Variants in KIF5C observed in about 807,000 individuals in gnomAD.
KIF5C encodes the protein kinesin heavy chain isoform 5C.
KIF5C carries 18 observed loss-of-function variants against 125.2 expected under a neutral mutation model. That is an observed-to-expected ratio of 0.14 (90% confidence interval 0.10 to 0.21). The LOEUF (loss-of-function observed/expected upper bound fraction) is 0.21, where lower values mean the gene tolerates loss of function less well. Ranked by LOEUF, KIF5C falls within the 10% of genes least tolerant of loss-of-function variation. The pLI, the probability that KIF5C is intolerant of heterozygous loss-of-function variation, is 1.00. For synonymous variants in KIF5C, 405 were observed against 434.0 expected (o/e 0.93, Z 0.83); for missense variants, 780 against 1,183.8 (o/e 0.66, Z 5.01).
intron 12 of KIF5C, among the ~76,000 whole-genome samples, chr2:148,976,281 A>ATTTATTTT (rs1425536086): frequency 1.4e-5 from 2 of 142,328 alleles, no homozygotes; most frequent in Non-Finnish European, 3.1e-5. Flanking sequence ...TTATTTATTT[A>ATTTATTTT]TTTTTTGAGA....
chr2:148,920,876 A>T (rs1306952122), intron 1 of KIF5C, among the ~76,000 whole-genome samples: 1 of 152,184 alleles, frequency 6.6e-6, no homozygotes, highest in Non-Finnish European at 1.5e-5. Context: ...GGAGGGGCAC[A>T]GTGGGAGAAA....
chr2:148,929,816 ATT>A (rs372504821), intron 3 of KIF5C, among the ~76,000 whole-genome samples: 1 of 147,992 alleles, frequency 6.8e-6, no homozygotes, highest in Admixed American at 6.7e-5. Flanking sequence ...ACTGCACGGT[ATT>A]TTTTTTTTTA....
At chr2:148,889,905 GA>G (rs1681656642) in intron 1 of KIF5C, among the ~76,000 whole-genome samples, 1 of 152,190 alleles carries the variant, frequency 6.6e-6, no homozygotes, top group South Asian at 2.1e-4. Context: ...AATTACGGTG[GA>G]AAAAGAGAGG....
rs1239611510 is a variant in KIF5C, at chr2:149,000,498, G to C, written c.2286G>C (p.Glu762Asp). 6.4e-7 allele frequency: 1 copy of C among 1,571,048 alleles called. No homozygotes were observed. The stretch of plus-strand genomic sequence containing the variant: ...ACAAGCTGAAAATAGAGGACCAAGA[G>C]AGAGAAATGAAGCTGGAAAAGCTCT... ...DYNKLKIEDQEREMKLEKLLL... is the reference protein window; with the variant it reads ...DYNKLKIEDQDREMKLEKLLL... Residue 762 changes from glutamate to aspartate, a missense_variant, in exon 20 of 26, where the codon GAG becomes GAC. This residue lies in a region of KIF5C where 573 missense variants were observed against 742.6 expected (regional missense o/e 0.77). Coordinates refer to ENST00000435030, the MANE Select transcript of KIF5C (RefSeq NM_004522.3).
chr2:148,955,859 G>A, intron 10 of KIF5C, among the ~76,000 whole-genome samples: 1 of 152,154 alleles, frequency 6.6e-6, no homozygotes, highest in East Asian at 1.9e-4. Context: ...GTTGTCTAGA[G>A]CTCCTTATTC....
At chr2:148,889,408 G>A (rs1681644176) in intron 1 of KIF5C, among the ~76,000 whole-genome samples, 1 of 152,168 alleles carries the variant, frequency 6.6e-6, no homozygotes, top group African/African-American at 2.4e-5. Context: ...CCAGGCTGGT[G>A]GGAGGGGAGT....
chr2:148,986,083 GAT>G (rs1681374484), intron 15 of KIF5C, among the ~76,000 whole-genome samples: 1 of 152,182 alleles, frequency 6.6e-6, no homozygotes, highest in African/African-American at 2.4e-5. Context: ...AGGTGGAGTT[GAT>G]ATATGGGAAG....
intron 11 of KIF5C, among the ~76,000 whole-genome samples, chr2:148,969,135 T>TA (rs928035063): frequency 1.4e-4 from 21 of 151,662 alleles, no homozygotes; most frequent in East Asian, 1.9e-4. Flanking sequence ...TTTCTTTCTT[T>TA]AAAAAAAAAC....
rs778865273 is a variant in KIF5C, at chr2:149,000,703, G to C, written c.2313-19G>C. 1.2e-6 allele frequency: 2 copies of C among 1,613,558 alleles called. No homozygotes were observed. Among genetic ancestry groups the C allele is most frequent in the Non-Finnish European group, 1.7e-6 (2 of 1,179,792 alleles). On this transcript the variant is annotated intron_variant, in intron 20 of 25. Coordinates refer to ENST00000435030, the MANE Select transcript of KIF5C (RefSeq NM_004522.3). ...TCTGAGTCCCCTGTGGTGGTCTATGGTTCCTTTTTGTTTTTCAGATTGCTC... is the reference window on the plus strand; with the variant it reads ...TCTGAGTCCCCTGTGGTGGTCTATGCTTCCTTTTTGTTTTTCAGATTGCTC...
intron 14 of KIF5C, among the ~76,000 whole-genome samples, chr2:148,982,410 A>G (rs1016443391): frequency 1.3e-5 from 2 of 152,310 alleles, no homozygotes; most frequent in South Asian, 2.1e-4. Flanking sequence ...CCTCTGCCCA[A>G]TGGCCTGGTG....
At chr2:148,993,415 T>C (rs1036822245) in intron 16 of KIF5C, among the ~76,000 whole-genome samples, 6 of 152,230 alleles carry the variant, frequency 3.9e-5, no homozygotes, top group African/African-American at 7.2e-5. Context: ...CTACAATTCA[T>C]GCATAGCAAA....
Position 148,876,619 on chromosome 2 carries a change from C to A in KIF5C, c.126+876C>A, listed in dbSNP as rs1282968485. On this transcript the variant is annotated intron_variant, in intron 1 of 25. Transcript: ENST00000435030. The surrounding 1 kb of genome is among the most constrained non-coding windows in gnomAD (Gnocchi z 4.7). ...TCCCTTCCCCACCTTTTCTCCCCCA[C>A]CCCCTCCCCCTACTTAGCTCCCTCT... Among the ~76,000 whole-genome samples, 1 of 152,114 alleles carries A rather than the reference C, an allele frequency of 6.6e-6. No individual in the cohort carries two copies. The highest frequency in any genetic ancestry group is 2.4e-5 in the African/African-American group (1 of 41,422).
chr2:148,945,993 G>A (rs571458229), intron 7 of KIF5C, among the ~76,000 whole-genome samples: 1 of 152,048 alleles, frequency 6.6e-6, no homozygotes, highest in African/African-American at 2.4e-5. Flanking sequence ...GTCATGTTTT[G>A]TAGTTTCCAG....
chr2:149,013,700 C>T (rs1435051244), intron 25 of KIF5C, among the ~76,000 whole-genome samples: 1 of 152,074 alleles, frequency 6.6e-6, no homozygotes, highest in South Asian at 2.1e-4. Context: ...ATATACTGGT[C>T]CAGGGATTCT....
chr2:148,997,165 C>T lies in KIF5C; in HGVS notation c.2024-99C>T, dbSNP rs568524691. 12 of 1,491,806 alleles carry T rather than the reference C, an allele frequency of 8.0e-6. No homozygotes were observed. The South Asian group carries it at 1.1e-4, about 14-fold the overall frequency. 92.4% of individuals were successfully genotyped at this position (1,491,806 alleles called of 1,614,324 possible). A position where few individuals can be genotyped will look rare whatever the true frequency, so the allele number is the denominator to read the frequency against. On this transcript the variant is annotated intron_variant, in intron 17 of 25. Transcript: ENST00000435030. ...ATTGCTGATATAAGCTGATGTTTCA[C>T]TCTGTTGCCATTTTTCTTGCTTTTT...
Position 148,973,450 on chromosome 2 carries a change from C to T in KIF5C, c.1232C>T (p.Thr411Ile), listed in dbSNP as rs748526351. 1.2e-6 allele frequency: 2 copies of T among 1,613,638 alleles called. No homozygotes were observed. Among genetic ancestry groups the T allele is most frequent in the East Asian group, 4.5e-5 (2 of 44,868 alleles). The change falls in exon 12 of 26, where the codon ACA (threonine) becomes ATA (isoleucine). Residue 411 changes from threonine to isoleucine, a missense_variant. Physicochemically the swap from Thr to Ile is moderately conservative, Grantham distance 89. This residue lies in a region of KIF5C where 573 missense variants were observed against 742.6 expected (regional missense o/e 0.77). Transcript: ENST00000435030. ...GCTCCTGTTGTTGCTGGCATCTCTA[C>T]AGAGGAGAAAGAGAAGTACGATGAG... Reference protein sequence around the residue: ...NIAPVVAGISTEEKEKYDEEI... With the variant: ...NIAPVVAGISIEEKEKYDEEI...
In KIF5C at chr2:148,969,467, G is replaced by GT. The variant is rs1553467608; in HGVS notation, c.1118-3868dup. Among the ~76,000 whole-genome samples the GT allele has an allele frequency of 7.2e-3, 1,068 of 148,804 alleles. 15 individuals are homozygous for GT. The highest frequency in any genetic ancestry group is 0.025 in the African/African-American group (1,027 of 40,386). On this transcript the variant is annotated intron_variant, in intron 11 of 25. Transcript: ENST00000435030. ...TGTGTGTGTGTGTGTGTGTGTATGT[G>GT]TGTGGGGAGGCCTTTCAGATGCTTT...
chr2:148,997,670 C>T (rs942248579), intron 18 of KIF5C: 12 of 312,472 alleles, frequency 3.8e-5, no homozygotes, highest in Non-Finnish European at 7.0e-5. Flanking sequence ...CTTCCTCCAA[C>T]CTTTACGCAG....
chr2:149,009,810 G>A (rs1156765170), intron 23 of KIF5C, among the ~76,000 whole-genome samples: 1 of 152,058 alleles, frequency 6.6e-6, no homozygotes, highest in Non-Finnish European at 1.5e-5. Context: ...ATATGTGGTC[G>A]ATTTTCTCAC....
Sources: allele counts gnomAD v4.1 joint callset (sites outside exome capture counted in the v4.1 genomes callset), GRCh38; gene constraint gnomAD v4.1.1; regional missense constraint gnomAD v4.1.1; non-coding constraint Gnocchi (gnomAD v3.1); transcripts MANE v1.5; gene names NCBI Gene and HGNC (gene_info 2026-07-23, HGNC 2026-07-21).